TRAK1: variants seen among roughly 807,000 people sequenced by gnomAD.
The protein encoded by TRAK1 is trafficking kinesin-binding protein 1.
Under a neutral mutation model 92.1 loss-of-function variants are expected in TRAK1, and 33 were observed. The observed-to-expected ratio is 0.36, with a 90% CI of 0.27 to 0.48. The LOEUF (loss-of-function observed/expected upper bound fraction) is 0.48. Ranked by LOEUF, TRAK1 falls within the 20% of genes least tolerant of loss-of-function variation. The probability of loss-of-function intolerance (pLI) is 0.99; values close to 1 mark genes in which losing one functional copy is unlikely to be tolerated. For synonymous variants in TRAK1, 521 were observed against 517.3 expected, an observed-to-expected ratio of 1.01 and a Z score of -0.10; for missense variants, 1,123 against 1,257.9, an observed-to-expected ratio of 0.89 and a Z score of 1.62.
intron 1 of TRAK1, among the ~76,000 whole-genome samples, chr3:42,029,623 C>T (rs1295864003): frequency 6.7e-6 from 1 of 149,852 alleles, no homozygotes; most frequent in Non-Finnish European, 1.5e-5. Context: ...GATCTTAGCT[C>T]ACTGCAACCT....
chr3:42,175,789 T>A, intron 2 of TRAK1, among the ~76,000 whole-genome samples: 1 of 152,228 alleles, frequency 6.6e-6, no homozygotes, highest in East Asian at 1.9e-4. Context: ...CATGGGCTGT[T>A]ACTGAATGTG....
intron 2 of TRAK1, among the ~76,000 whole-genome samples, chr3:42,127,182 A>T (rs1294471421): frequency 6.6e-6 from 1 of 152,108 alleles, no homozygotes; most frequent in East Asian, 1.9e-4. Flanking sequence ...CAGACTGTAG[A>T]CGTCTGCAAA....
At chr3:42,153,781 G>A (rs1264519527) in intron 2 of TRAK1, among the ~76,000 whole-genome samples, 1 of 152,130 alleles carries the variant, frequency 6.6e-6, no homozygotes, top group African/African-American at 2.4e-5. Flanking sequence ...AGTTTTGTTA[G>A]AGGTATTTTA....
At position 42,092,753 on chromosome 3, in the gene TRAK1, G is replaced by A. The variant is rs976671041; in HGVS notation, c.91+1193G>A. On this transcript the variant is annotated intron_variant, in intron 1 of 15. Transcript: ENST00000327628. ...GTTATGTTATGTTATGTTATGTTAT[G>A]TTATGTTATGTTATGTTATTTCGTG... 2.0e-5 allele frequency among the ~76,000 whole-genome samples: 3 copies of A among 150,260 alleles called. No individual in the cohort carries two copies. In the Admixed American group the frequency reaches 2.0e-4, roughly 10 times the overall value.
At chr3:42,188,016 C>G (rs943259595) in intron 4 of TRAK1, 29 bp from the exon 5 acceptor site, 26 of 1,602,366 alleles carry the variant, frequency 1.6e-5, no homozygotes, top group African/African-American at 2.7e-5. Context: ...TTTTGGGAAG[C>G]AAATGATGGG....
chr3:42,185,638 TCTC>T (rs939973134), intron 4 of TRAK1, among the ~76,000 whole-genome samples: 2 of 151,702 alleles, frequency 1.3e-5, no homozygotes, highest in Non-Finnish European at 2.9e-5. Flanking sequence ...TGACAACACT[TCTC>T]CTTGTTTCTT....
At chr3:42,102,575 T>C (rs1160029537) in intron 1 of TRAK1, among the ~76,000 whole-genome samples, 2 of 152,214 alleles carry the variant, frequency 1.3e-5, no homozygotes, top group African/African-American at 4.8e-5. Context: ...AGAGGCGTCC[T>C]GAAAGCAGGT....
chr3:42,211,746 G>T (rs1709062765), intron 14 of TRAK1: 1 of 985,282 alleles, frequency 1.0e-6, no homozygotes, highest in Admixed American at 6.2e-5. Context: ...GACCAATTAT[G>T]AGGACTGACA....
intron 2 of TRAK1, among the ~76,000 whole-genome samples, chr3:42,150,252 C>T (rs1385952320): frequency 6.6e-6 from 1 of 152,018 alleles, no homozygotes; most frequent in Non-Finnish European, 1.5e-5. Context: ...TGGCACATTC[C>T]AAGGGAGACT....
intron 2 of TRAK1, among the ~76,000 whole-genome samples, chr3:42,137,696 A>C (rs1192896713): frequency 6.6e-6 from 1 of 152,134 alleles, no homozygotes; most frequent in African/African-American, 2.4e-5. Context: ...ATCCCTGTGG[A>C]GTAGTTGATA....
chr3:42,171,585 C>T (rs1045650976), intron 2 of TRAK1, among the ~76,000 whole-genome samples: 2 of 152,118 alleles, frequency 1.3e-5, no homozygotes, highest in Admixed American at 6.5e-5. Flanking sequence ...ATCTTTTGCT[C>T]CAGCCCCACC....
At chr3:42,029,789 TC>T (rs1483945857) in intron 1 of TRAK1, among the ~76,000 whole-genome samples, 1 of 152,176 alleles carries the variant, frequency 6.6e-6, no homozygotes, top group Non-Finnish European at 1.5e-5. Flanking sequence ...CCTCAAGTGA[TC>T]CACCCACCTC....
At chr3:42,087,614 C>G (rs1319340649), upstream of TRAK1, among the ~76,000 whole-genome samples, 1 of 152,184 alleles carries the variant, frequency 6.6e-6, no homozygotes, top group Non-Finnish European at 1.5e-5. Context: ...AGTTGTTGAC[C>G]TACTATCCTG....
intron 1 of TRAK1, among the ~76,000 whole-genome samples, chr3:42,100,024 A>G (rs905284904): frequency 1.3e-5 from 2 of 152,116 alleles, no homozygotes; most frequent in Middle Eastern, 3.2e-3. Flanking sequence ...GGTTTTTGCA[A>G]CTTTTGGAAT....
rs1710442034 is a variant in TRAK1 at position 42,125,532 on chromosome 3, C to T, written c.204C>T (p.Asp68=). 6.2e-7 allele frequency: 1 copy of T among 1,614,140 alleles called. No homozygotes were observed. Among genetic ancestry groups the T allele is most frequent in the Admixed American group, 1.7e-5 (1 of 60,008 alleles). ...CCATCTACGGTTATGACCACGACGACTGGCTCCATACACCTCTCATTTCTC... is the reference window on the plus strand; with the variant it reads ...CCATCTACGGTTATGACCACGACGATTGGCTCCATACACCTCTCATTTCTC... The part of the protein sequence containing the change: ...ADTIYGYDHD[D]WLHTPLISPD... The change falls in exon 2 of 16, where the codon GAC becomes GAT. Residue 68 remains aspartate, a synonymous_variant. Transcript: ENST00000327628.
At chr3:42,089,525 C>T (rs1704874089), upstream of TRAK1, among the ~76,000 whole-genome samples, 1 of 152,164 alleles carries the variant, frequency 6.6e-6, no homozygotes, top group Non-Finnish European at 1.5e-5. Context: ...TCCTCTGTGC[C>T]CTCCGTGCTC....
At chr3:42,109,157 T>G (rs1707998450) in intron 1 of TRAK1, among the ~76,000 whole-genome samples, 1 of 152,164 alleles carries the variant, frequency 6.6e-6, no homozygotes, top group Non-Finnish European at 1.5e-5. Context: ...CAAACGGGGA[T>G]AAATGTTAGG....
chr3:42,118,043 G>C (rs111308301), intron 1 of TRAK1, among the ~76,000 whole-genome samples: 1 of 151,904 alleles, frequency 6.6e-6, no homozygotes, highest in African/African-American at 2.4e-5. Flanking sequence ...TGGTCTCGAT[G>C]TCCTGACCTT....
chr3:42,144,683 AT>A (rs36102788), intron 2 of TRAK1, among the ~76,000 whole-genome samples: 22,432 of 151,578 alleles, frequency 0.15, 1,921 homozygotes, highest in Non-Finnish European at 0.2. Context: ...ATCCTTGTAT[AT>A]TTTTTTTTAA....
Sources: gnomAD v4.1 joint callset for allele counts (sites outside exome capture counted in the v4.1 genomes callset) on GRCh38, gnomAD v4.1.1 for gene constraint, MANE v1.5 for transcripts, NCBI Gene and HGNC (gene_info 2026-07-23, HGNC 2026-07-21) for gene names.